Variants in RBMS3 observed in about 807,000 individuals in gnomAD.
RBMS3 encodes RNA-binding motif, single-stranded-interacting protein 3.
In RBMS3, 27 loss-of-function variants were observed where a neutral mutation model predicts 66.8. That is an observed-to-expected ratio of 0.40 (90% confidence interval 0.30 to 0.56). The LOEUF (loss-of-function observed/expected upper bound fraction) is 0.56, where lower values mean the gene tolerates loss of function less well. Ranked by LOEUF, RBMS3 falls within the 20% of genes least tolerant of loss-of-function variation. The probability of loss-of-function intolerance (pLI) is 0.40; values close to 1 mark genes in which losing one functional copy is unlikely to be tolerated. For synonymous variants in RBMS3, 188 were observed against 183.0 expected (o/e 1.03, Z -0.22); for missense variants, 513 against 549.5 (o/e 0.93, Z 0.66).
intron 6 of RBMS3, among the ~76,000 whole-genome samples, chr3:29,788,150 C>T (rs2056884597): frequency 6.6e-6 from 1 of 151,094 alleles, no homozygotes; most frequent in Non-Finnish European, 1.5e-5. Flanking sequence ...AAGTACCCAC[C>T]CTTCTCTAAA....
At chr3:29,616,030 G>A (rs1576365976) in intron 4 of RBMS3, 1 of 152,180 alleles carries the variant, frequency 6.6e-6, no homozygotes, top group Admixed American at 6.5e-5. Flanking sequence ...ACTCGTTGAC[G>A]ACCATGTTCA....
chr3:29,733,750 C>G (rs1469237341), intron 4 of RBMS3, among the ~76,000 whole-genome samples: 1 of 152,012 alleles, frequency 6.6e-6, no homozygotes, highest in Non-Finnish European at 1.5e-5. Flanking sequence ...TAGTTGGATA[C>G]AGTCCCATTA....
In RBMS3 at chr3:29,884,471, C is replaced by CTCTCTCTCTCTCTCT. The variant is rs1553692504; in HGVS notation, c.791+263_791+264insTCTCTCTCTCTCTCT. Among the ~76,000 whole-genome samples the CTCTCTCTCTCTCTCT allele has an allele frequency of 5.1e-5, 2 of 38,932 alleles. 1 individual carries two copies. The highest frequency in any genetic ancestry group is 1.4e-4 in the African/African-American group (2 of 13,838). 25.5% of individuals were successfully genotyped at this position (38,932 alleles called of 152,430 possible). A position where few individuals can be genotyped will look rare whatever the true frequency, so the allele number is the denominator to read the frequency against. ...CTCTCTCTCTCTCTCTCTCTCTCTCCCCCCCCGCTCCCTCCCTCCCTCCCT... is the reference window on the plus strand; with the variant it reads ...CTCTCTCTCTCTCTCTCTCTCTCTCCTCTCTCTCTCTCTCTCCCCCCGCTCCCTCCCTCCCTCCCT... On this transcript the variant is annotated intron_variant, in intron 8 of 14. Transcript: ENST00000383767.
In RBMS3 at chr3:29,452,986, T is replaced by A. The variant is rs573449789; in HGVS notation, c.248+18071T>A. Among the ~76,000 whole-genome samples, 18 of 152,332 alleles carry A rather than the reference T, an allele frequency of 1.2e-4. No homozygotes were observed. In the South Asian group the frequency reaches 3.1e-3, roughly 26 times the overall value. ...AATTGGTGTAAATTTTAATGCATTC[T>A]GGACGTATAGAACCTAATACTTGTA... On this transcript the variant is annotated intron_variant, in intron 2 of 14. Transcript: ENST00000383767.
intron 4 of RBMS3, among the ~76,000 whole-genome samples, chr3:29,596,873 T>A (rs2149109537): frequency 6.6e-6 from 1 of 152,306 alleles, no homozygotes; most frequent in South Asian, 2.1e-4. Context: ...CTGGTTATAT[T>A]TTAATGGTTT....
At chr3:29,484,408 C>T (rs745758186) in intron 2 of RBMS3, among the ~76,000 whole-genome samples, 1 of 152,128 alleles carries the variant, frequency 6.6e-6, no homozygotes, top group Non-Finnish European at 1.5e-5. Context: ...CTCTCTACGA[C>T]TTCATATGGT....
intron 3 of RBMS3, among the ~76,000 whole-genome samples, chr3:29,521,892 T>C (rs1485692103): frequency 6.6e-6 from 1 of 152,226 alleles, no homozygotes; most frequent in Non-Finnish European, 1.5e-5. Context: ...GCTGACCTTG[T>C]GTATTTACTA....
intron 11 of RBMS3, among the ~76,000 whole-genome samples, chr3:29,938,430 C>T (rs1577200737): frequency 6.6e-6 from 1 of 151,774 alleles, no homozygotes; most frequent in African/African-American, 2.4e-5. Context: ...TGCTTAGATA[C>T]ATTATAAGAT....
chr3:29,778,429 CT>C (rs36069878), intron 6 of RBMS3, among the ~76,000 whole-genome samples: 5,284 of 142,940 alleles, frequency 0.037, 108 homozygotes, highest in East Asian at 0.13. Flanking sequence ...TATCAATAAA[CT>C]TTTTTTTTTT....
At chr3:29,654,521 CGTGTGTGTGTGTGT>C (rs56163408) in intron 4 of RBMS3, among the ~76,000 whole-genome samples, 5,576 of 118,966 alleles carry the variant, frequency 0.047, 153 homozygotes, top group African/African-American at 0.077. Flanking sequence ...GAATTGGATT[CGTGTGTGTGTGTGT>C]GTGTGTGTGT....
intron 3 of RBMS3, among the ~76,000 whole-genome samples, chr3:29,504,246 A>T (rs2044095151): frequency 6.6e-6 from 1 of 152,142 alleles, no homozygotes; most frequent in Non-Finnish European, 1.5e-5. Flanking sequence ...CCTCTTGGGT[A>T]ATTTGTACGT....
At chr3:29,675,987 G>T (rs531266437) in intron 4 of RBMS3, among the ~76,000 whole-genome samples, 2 of 152,270 alleles carry the variant, frequency 1.3e-5, no homozygotes, top group East Asian at 1.9e-4. Flanking sequence ...TATGTTTATG[G>T]TGGCACTATT....
At chr3:29,545,349 C>A (rs2045914511) in intron 3 of RBMS3, among the ~76,000 whole-genome samples, 1 of 151,828 alleles carries the variant, frequency 6.6e-6, no homozygotes, top group Admixed American at 6.6e-5. Flanking sequence ...TTTGTGTATA[C>A]TATATTGCTT....
At chr3:29,948,036 G>C (rs1695437650) in intron 12 of RBMS3, among the ~76,000 whole-genome samples, 1 of 151,654 alleles carries the variant, frequency 6.6e-6, no homozygotes, top group South Asian at 2.1e-4. Context: ...TGTAGAACTT[G>C]TGGAGCATAT....
chr3:29,994,589 G>A (rs947868355), intron 14 of RBMS3, among the ~76,000 whole-genome samples: 2 of 151,670 alleles, frequency 1.3e-5, no homozygotes, highest in Admixed American at 1.3e-4. Context: ...ATCTGAGAAT[G>A]GGCAGACTGC....
Position 29,838,173 on chromosome 3 carries a change from C to CAAAAAAAAAAA in RBMS3, c.638-30676_638-30666dup, listed in dbSNP as rs71091080. Among the ~76,000 whole-genome samples the CAAAAAAAAAAA allele has an allele frequency of 2.4e-5, 2 of 83,062 alleles. 1 individual carries two copies. Among genetic ancestry groups the CAAAAAAAAAAA allele is most frequent in the African/African-American group, 9.4e-5 (2 of 21,232 alleles). The allele number at this position is 83,062 out of a possible 152,430, so 54.5% of individuals were successfully genotyped here. On this transcript the variant is annotated intron_variant, in intron 6 of 14. Transcript: ENST00000383767. The stretch of plus-strand genomic sequence containing the variant: ...GCAACATAGTGAGACCTCATCTCTA[C>CAAAAAAAAAAA]AAAAAAAAAAAAAAAAAAAGCCAGC...
intron 6 of RBMS3, among the ~76,000 whole-genome samples, chr3:29,818,486 C>A (rs2057982359): frequency 6.6e-6 from 1 of 151,580 alleles, no homozygotes; most frequent in Admixed American, 6.6e-5. Flanking sequence ...ATAATTCAGG[C>A]TTGATACATT....
chr3:29,622,997 G>C (rs1576379835), intron 4 of RBMS3, among the ~76,000 whole-genome samples: 1 of 150,880 alleles, frequency 6.6e-6, no homozygotes, highest in Non-Finnish European at 1.5e-5. Flanking sequence ...GGCGCCTGTA[G>C]TCCCAGCTAC....
chr3:29,594,201 A>G (rs1192855634), intron 4 of RBMS3, among the ~76,000 whole-genome samples: 2 of 152,108 alleles, frequency 1.3e-5, no homozygotes, highest in Admixed American at 6.6e-5. Flanking sequence ...ATAAACTACC[A>G]TCATTTCCCC....
Sources: gnomAD v4.1 joint callset for allele counts (sites outside exome capture counted in the v4.1 genomes callset) on GRCh38, gnomAD v4.1.1 for gene constraint, MANE v1.5 for transcripts, NCBI Gene and HGNC (gene_info 2026-07-23, HGNC 2026-07-21) for gene names.